DIS3L2: variants seen among roughly 807,000 people sequenced by gnomAD.
The protein encoded by DIS3L2 is DIS3 like 3'-5' exoribonuclease 2.
Under a neutral mutation model 97.5 loss-of-function variants are expected in DIS3L2, and 34 were observed. The ratio of observed to expected loss-of-function variants is 0.35; its 90% CI spans 0.27 to 0.46. The LOEUF is 0.46. Ranked by LOEUF, DIS3L2 falls within the 20% of genes least tolerant of loss-of-function variation. The pLI, the probability that DIS3L2 is intolerant of heterozygous loss-of-function variation, is 1.00. For synonymous variants in DIS3L2, 435 were observed against 445.2 expected (o/e 0.98, Z 0.29); for missense variants, 1,038 against 1,146.0 (o/e 0.91, Z 1.36).
intron 13 of DIS3L2, among the ~76,000 whole-genome samples, chr2:232,286,050 A>G (rs1262609261): frequency 6.6e-6 from 1 of 152,244 alleles, no homozygotes; most frequent in Non-Finnish European, 1.5e-5. Context: ...GCCCTCTGCC[A>G]TGCTCCAACA....
intron 6 of DIS3L2, among the ~76,000 whole-genome samples, chr2:232,125,131 A>G (rs1351106858): frequency 6.6e-6 from 1 of 152,014 alleles, no homozygotes; most frequent in Non-Finnish European, 1.5e-5. Flanking sequence ...TCACCTAGCT[A>G]TTTCCTACTC....
intron 6 of DIS3L2, among the ~76,000 whole-genome samples, chr2:232,107,558 G>C (rs1278315336): frequency 1.3e-5 from 2 of 152,104 alleles, no homozygotes; most frequent in African/African-American, 4.8e-5. Flanking sequence ...AATTAGCTGG[G>C]CATGGTGGTG....
chr2:231,977,423 G>A (rs1315318061), intron 1 of DIS3L2, among the ~76,000 whole-genome samples: 2 of 152,208 alleles, frequency 1.3e-5, no homozygotes, highest in Non-Finnish European at 2.9e-5. Flanking sequence ...CATACTTCAT[G>A]CTAATTAATT....
At chr2:232,086,416 T>G (rs1696622226) in intron 5 of DIS3L2, among the ~76,000 whole-genome samples, 1 of 147,402 alleles carries the variant, frequency 6.8e-6, no homozygotes, top group Non-Finnish European at 1.5e-5. Context: ...TACATATACA[T>G]GCAGAGAAAG....
At chr2:232,329,785 T>TCCCCGGGGGGCCCCCCCCCC in intron 14 of DIS3L2, 28 bp from the exon 15 acceptor site, 1 of 967,130 alleles carries the variant, frequency 1.0e-6, no homozygotes, top group Non-Finnish European at 1.5e-6. Flanking sequence ...ACCCCAGCGG[T>TCCCCGGGGGGCCCCCCCCCC]CCCTCCCATC....
intron 9 of DIS3L2, among the ~76,000 whole-genome samples, chr2:232,174,956 C>T (rs1458639215): frequency 3.3e-5 from 5 of 152,066 alleles, no homozygotes; most frequent in Admixed American, 1.3e-4. Context: ...CAGCCTCTTA[C>T]GTAGCTGGGA....
At chr2:232,182,360 C>T (rs1221742259) in intron 9 of DIS3L2, among the ~76,000 whole-genome samples, 1 of 152,096 alleles carries the variant, frequency 6.6e-6, no homozygotes, top group African/African-American at 2.4e-5. Context: ...GAGAATGTTC[C>T]ATATCCACTT....
rs931357136 is a variant in DIS3L2, at chr2:232,048,281, C to T, written c.366+18201C>T. Among the ~76,000 whole-genome samples the T allele has an allele frequency of 4.6e-5, 7 of 152,106 alleles. No homozygotes were observed. The East Asian group carries it at 5.8e-4, about 13-fold the overall frequency. On this transcript the variant is annotated intron_variant, in intron 5 of 20. Coordinates refer to ENST00000325385, the MANE Select transcript of DIS3L2 (RefSeq NM_152383.5). ...ATATGAGCAGCAGCTGTGTTGCTCCCGTTTCTTTTCACACGCAAGTCACCA... is the reference window on the plus strand; with the variant it reads ...ATATGAGCAGCAGCTGTGTTGCTCCTGTTTCTTTTCACACGCAAGTCACCA...
intron 1 of DIS3L2, among the ~76,000 whole-genome samples, chr2:231,976,547 G>C (rs1693099700): frequency 6.6e-6 from 1 of 151,490 alleles, no homozygotes; most frequent in Non-Finnish European, 1.5e-5. Context: ...GAGGATCACT[G>C]GAGCCTGGGA....
intron 9 of DIS3L2, among the ~76,000 whole-genome samples, chr2:232,182,375 A>G (rs1243587392): frequency 6.6e-6 from 1 of 152,224 alleles, no homozygotes; most frequent in East Asian, 1.9e-4. Flanking sequence ...CCACTTTAGA[A>G]GAATATGTTT....
At chr2:232,321,461 C>A (rs1019962555) in intron 14 of DIS3L2, among the ~76,000 whole-genome samples, 3 of 152,190 alleles carry the variant, frequency 2.0e-5, no homozygotes, top group Admixed American at 6.5e-5. Context: ...TGGGCCAAGG[C>A]ATCTGAGGGG....
At chr2:231,989,936 CCTTCCAGGGTGG>C (rs530633324) in intron 1 of DIS3L2, among the ~76,000 whole-genome samples, 148 of 152,244 alleles carry the variant, frequency 9.7e-4, no homozygotes, top group African/African-American at 3.4e-3. Flanking sequence ...ATTTCTAAAA[CCTTCCAGGGTGG>C]CTTTTTCAGT....
At chr2:232,082,647 C>A (rs1012612681) in intron 5 of DIS3L2, among the ~76,000 whole-genome samples, 4 of 152,182 alleles carry the variant, frequency 2.6e-5, no homozygotes, top group African/African-American at 9.7e-5. Context: ...TTGGAGACTG[C>A]TGCCTTGTAG....
intron 8 of DIS3L2, among the ~76,000 whole-genome samples, chr2:232,141,615 G>A (rs1690045351): frequency 6.6e-6 from 1 of 152,136 alleles, no homozygotes; most frequent in Admixed American, 6.5e-5. Flanking sequence ...TAATGAGTGT[G>A]AAGGACAGCA....
chr2:231,974,607 A>G (rs1172706985), intron 1 of DIS3L2, among the ~76,000 whole-genome samples: 4 of 150,926 alleles, frequency 2.7e-5, no homozygotes, highest in Non-Finnish European at 5.9e-5. Flanking sequence ...GAACATATGG[A>G]ATACAATTCT....
chr2:232,134,224 C>T (rs1698296347), intron 7 of DIS3L2, among the ~76,000 whole-genome samples: 1 of 151,994 alleles, frequency 6.6e-6, no homozygotes, highest in Non-Finnish European at 1.5e-5. Flanking sequence ...AACATTCAGA[C>T]AACTGGAGCC....
chr2:232,095,227 C>G (rs1314334370), intron 6 of DIS3L2, among the ~76,000 whole-genome samples: 1 of 152,128 alleles, frequency 6.6e-6, no homozygotes, highest in Non-Finnish European at 1.5e-5. Flanking sequence ...GTGGTCTTCT[C>G]TTCTTTCCAT....
At chr2:232,251,694 A>G (rs1339757786) in intron 12 of DIS3L2, among the ~76,000 whole-genome samples, 1 of 152,236 alleles carries the variant, frequency 6.6e-6, no homozygotes, top group Non-Finnish European at 1.5e-5. Context: ...AAAAAGACAT[A>G]CGATAAAATC....
At chr2:232,164,054 T>C (rs140762028) in intron 9 of DIS3L2, among the ~76,000 whole-genome samples, 1 of 152,328 alleles carries the variant, frequency 6.6e-6, no homozygotes, top group East Asian at 1.9e-4. Context: ...CAAAAGTAGT[T>C]ACTGTCAGCC....
Sources: allele counts gnomAD v4.1 joint callset (sites outside exome capture counted in the v4.1 genomes callset), GRCh38; gene constraint gnomAD v4.1.1; transcripts MANE v1.5; gene names NCBI Gene and HGNC (gene_info 2026-07-23, HGNC 2026-07-21).